Variants in ZBTB11 observed in about 807,000 individuals in gnomAD.
The protein encoded by ZBTB11 is zinc finger and BTB domain containing 11.
A neutral mutation model predicts 113.1 loss-of-function variants in ZBTB11; 68 were observed. The observed-to-expected ratio is 0.60, with a 90% CI of 0.49 to 0.74. The LOEUF (loss-of-function observed/expected upper bound fraction) is 0.74. ZBTB11 is among the 30% of genes least tolerant of loss of function. The pLI is 0.00. For synonymous variants in ZBTB11, 518 were observed against 452.6 expected (o/e 1.14, Z -1.83); for missense variants, 1,104 against 1,279.4 (o/e 0.86, Z 2.09).
chr3:101,676,231 C>T (rs1175397591), intron 1 of ZBTB11, among the ~76,000 whole-genome samples: 1 of 152,028 alleles, frequency 6.6e-6, no homozygotes, highest in East Asian at 2.0e-4. Flanking sequence ...AAAACGTGCA[C>T]CCCGCAGCCT....
chr3:101,663,270 C>T (rs983855263), intron 5 of ZBTB11, among the ~76,000 whole-genome samples: 4 of 152,038 alleles, frequency 2.6e-5, no homozygotes, highest in Admixed American at 6.6e-5. Flanking sequence ...CAGGGTTTCA[C>T]CATGTTGCCC....
At position 101,650,960 on chromosome 3, in the gene ZBTB11, T is replaced by C. The variant is rs1337212575; in HGVS notation, c.*206A>G. On this transcript the variant is annotated 3_prime_UTR_variant, in exon 11 of 11. Coordinates refer to ENST00000312938, the MANE Select transcript of ZBTB11 (RefSeq NM_014415.4). ...TGCAAAAGCAATTGCACCAACCTAA[T>C]AGATCTGTTTTCAATTTCTCTACAC... is the stretch of plus-strand genomic sequence containing the variant. The C allele has an allele frequency of 1.3e-5, 6 of 453,250 alleles. No homozygotes were observed. Among genetic ancestry groups the C allele is most frequent in the African/African-American group, 4.0e-5 (2 of 49,862 alleles). The allele number at this position is 453,250 out of a possible 1,614,324, so 28.1% of individuals were successfully genotyped here. A position where few individuals can be genotyped will look rare whatever the true frequency, so the allele number is the denominator to read the frequency against.
intron 3 of ZBTB11, among the ~76,000 whole-genome samples, chr3:101,669,240 T>G (rs1937046837): frequency 6.6e-6 from 1 of 152,224 alleles, no homozygotes; most frequent in Non-Finnish European, 1.5e-5. Flanking sequence ...CACCATGTTG[T>G]CCGGGATGGT....
intron 5 of ZBTB11, 106 bp downstream of exon 5, chr3:101,664,432 T>C (rs541792252): frequency 2.7e-5 from 30 of 1,131,218 alleles, no homozygotes; most frequent in East Asian, 1.0e-4. Flanking sequence ...ATGACTCTTA[T>C]AGCCATATAA....
chr3:101,672,306 A>G (rs1356370004), intron 1 of ZBTB11, 93 bp from the exon 2 acceptor site: 14 of 796,456 alleles, frequency 1.8e-5, no homozygotes, highest in Admixed American at 2.9e-5. Context: ...ATTTCAGTAC[A>G]TATGTGCAGA....
At chr3:101,652,699 T>C in intron 9 of ZBTB11, 28 bp from the exon 10 acceptor site, 1 of 1,612,014 alleles carries the variant, frequency 6.2e-7, no homozygotes, top group African/African-American at 1.3e-5. Context: ...ACCCAATTAT[T>C]TTGTCCAAAG....
chr3:101,660,869 A>C lies in ZBTB11; in HGVS notation c.1801-841T>G, dbSNP rs186367403. 5.3e-5 allele frequency among the ~76,000 whole-genome samples: 8 copies of C among 152,202 alleles called. No individual in the cohort carries two copies. The East Asian group carries it at 1.5e-3, about 29-fold the overall frequency. The stretch of plus-strand genomic sequence containing the variant: ...TTTCTCTTTGCACTTACTAATTTGC[A>C]ATACCCTGCCCCCAGCTGTACTGGG... On this transcript the variant is annotated intron_variant, in intron 5 of 10. Coordinates refer to ENST00000312938, the MANE Select transcript of ZBTB11 (RefSeq NM_014415.4).
At position 101,652,487 on chromosome 3, in the gene ZBTB11, TA is replaced by T; in HGVS notation, c.2644+8del. 2 of 1,612,684 alleles carry T rather than the reference TA, an allele frequency of 1.2e-6. No homozygotes were observed. The highest frequency in any genetic ancestry group is 1.7e-6 in the Non-Finnish European group (2 of 1,179,408). On this transcript the variant is annotated splice_region_variant and intron_variant, in intron 10 of 10. Coordinates refer to ENST00000312938, the MANE Select transcript of ZBTB11 (RefSeq NM_014415.4). Reference sequence around the variant, plus strand: ...CTATAAGGATACATATAATATAAAGTATAGTTACCTTCATGGTTGTTCATGT... The same window carrying T: ...CTATAAGGATACATATAATATAAAGTTAGTTACCTTCATGGTTGTTCATGT...
intron 8 of ZBTB11, among the ~76,000 whole-genome samples, chr3:101,654,176 G>A (rs1936754382): frequency 6.6e-6 from 1 of 152,104 alleles, no homozygotes; most frequent in Admixed American, 6.5e-5. Flanking sequence ...AAGTAGCTGG[G>A]ACTACAGGTG....
chr3:101,665,683 C>T lies in ZBTB11; in HGVS notation c.904G>A (p.Glu302Lys). The change falls in exon 4 of 11, where the codon GAG becomes AAG. Residue 302 changes from glutamate to lysine, a missense_variant. Physicochemically the swap from Glu to Lys is moderately conservative, Grantham distance 56 (BLOSUM62 1). Around this residue, in one of 5 missense-constraint regions of ZBTB11, gnomAD observed 86 missense variants for 131.0 expected, o/e 0.66. Transcript: ENST00000312938. ...AGCTTATGTACACTTTCACAAATCT[C>T]TAAGACTTCTGACATGAAAAGATGA... The part of the protein sequence containing the change: ...ARHLFMSEVL[E>K]ICESVHKLME... 6.2e-7 allele frequency: 1 copy of T among 1,614,166 alleles called. No homozygotes were observed. The highest frequency in any genetic ancestry group is 8.5e-7 in the Non-Finnish European group (1 of 1,180,024).
chr3:101,664,872 C>A (rs1936954025), intron 4 of ZBTB11, 92 bp downstream of exon 4: 2 of 1,519,020 alleles, frequency 1.3e-6, no homozygotes, highest in Non-Finnish European at 1.8e-6. Context: ...ATCTCACCTC[C>A]CAAATAATTT....
At chr3:101,662,574 C>T (rs1404618983) in intron 5 of ZBTB11, among the ~76,000 whole-genome samples, 1 of 152,154 alleles carries the variant, frequency 6.6e-6, no homozygotes, top group Non-Finnish European at 1.5e-5. Context: ...CACTGCACTC[C>T]AGCCTGCGCA....
chr3:101,650,990 C>G lies in ZBTB11; in HGVS notation c.*176G>C. ...CTGTTTTCAATTTCTCTACACTAAA[C>G]GGACTTTTCTATAGAACCCATTGGC... On this transcript the variant is annotated 3_prime_UTR_variant, in exon 11 of 11. Coordinates refer to ENST00000312938, the MANE Select transcript of ZBTB11 (RefSeq NM_014415.4). 2 of 604,848 alleles carry G rather than the reference C, an allele frequency of 3.3e-6. No individual in the cohort carries two copies. The highest frequency in any genetic ancestry group is 6.1e-5 in the South Asian group (2 of 32,576). The allele number at this position is 604,848 out of a possible 1,614,324, so 37.5% of individuals were successfully genotyped here.
At chr3:101,667,393 C>T (rs538900786) in intron 3 of ZBTB11, among the ~76,000 whole-genome samples, 1 of 152,324 alleles carries the variant, frequency 6.6e-6, no homozygotes, top group South Asian at 2.1e-4. Flanking sequence ...ATTACACATA[C>T]TTTTCTGCAC....
At position 101,664,956 on chromosome 3, in the gene ZBTB11, C is replaced by T. The variant is rs11720934; in HGVS notation, c.1623+8G>A. ...AAACTACAAAGGTCAACCCTTCTTA[C>T]ATCATACCTGTTGAACTGCTGACTT... On this transcript the variant is annotated splice_region_variant and intron_variant, in intron 4 of 10. Transcript: ENST00000312938. The T allele has an allele frequency of 0.17, 267,230 of 1,603,858 alleles. 24,823 individuals carry two copies. The highest frequency in any genetic ancestry group is 0.19 in the Non-Finnish European group (224,264 of 1,173,920).
chr3:101,673,272 G>C (rs1937110961), intron 1 of ZBTB11, among the ~76,000 whole-genome samples: 1 of 152,060 alleles, frequency 6.6e-6, no homozygotes, highest in South Asian at 2.1e-4. Context: ...AGCCCTAAGA[G>C]GTATGTAGCT....
At chr3:101,672,710 C>CTT (rs1937102493) in intron 1 of ZBTB11, among the ~76,000 whole-genome samples, 1 of 152,224 alleles carries the variant, frequency 6.6e-6, no homozygotes, top group Admixed American at 6.5e-5. Context: ...GACCAAGACT[C>CTT]TGTCTCAAAA....
chr3:101,676,477 TG>T, intron 1 of ZBTB11, 127 bp downstream of exon 1: 1 of 990,716 alleles, frequency 1.0e-6, no homozygotes, highest in Non-Finnish European at 1.4e-6. Context: ...CGGCTCCGCC[TG>T]GCAGCAGCTC....
intron 5 of ZBTB11, 26 bp downstream of exon 5, chr3:101,664,512 C>G: frequency 6.3e-7 from 1 of 1,579,532 alleles, no homozygotes; most frequent in Non-Finnish European, 8.6e-7. Context: ...TTAGAGTTAC[C>G]TTCAATTAGC....
Sources: allele counts gnomAD v4.1 joint callset (sites outside exome capture counted in the v4.1 genomes callset), GRCh38; gene constraint gnomAD v4.1.1; regional missense constraint gnomAD v4.1.1; transcripts MANE v1.5; gene names NCBI Gene and HGNC (gene_info 2026-07-23, HGNC 2026-07-21).